CSMD1: variants seen among roughly 807,000 people sequenced by gnomAD.
The protein encoded by CSMD1 is CUB and sushi domain-containing protein 1.
CSMD1 carries 213 observed loss-of-function variants against 417.5 expected under a neutral mutation model. The ratio of observed to expected loss-of-function variants is 0.51; its 90% CI spans 0.46 to 0.57. The LOEUF is 0.57. CSMD1 is among the 20% of genes least tolerant of loss of function. The probability of loss-of-function intolerance (pLI) is 0.00; values close to 1 mark genes in which losing one functional copy is unlikely to be tolerated. For synonymous variants in CSMD1, 2,862 were observed against 1,736.8 expected, an observed-to-expected ratio of 1.65 and a Z score of -16.11; for missense variants, 6,923 against 4,529.7, an observed-to-expected ratio of 1.53 and a Z score of -15.17.
chr8:4,562,231 C>T (rs1798374880), intron 2 of CSMD1, among the ~76,000 whole-genome samples: 1 of 151,954 alleles, frequency 6.6e-6, no homozygotes, highest in Non-Finnish European at 1.5e-5. Context: ...AAACGACACA[C>T]CGGTGTTCCA....
chr8:3,909,901 G>C (rs1353950345), intron 5 of CSMD1, among the ~76,000 whole-genome samples: 1 of 152,114 alleles, frequency 6.6e-6, no homozygotes, highest in African/African-American at 2.4e-5. Context: ...ACTAAGCCCT[G>C]TATTAAAGCT....
At chr8:3,123,638 G>A (rs1019374308) in intron 41 of CSMD1, among the ~76,000 whole-genome samples, 5 of 152,098 alleles carry the variant, frequency 3.3e-5, no homozygotes, top group African/African-American at 1.2e-4. Flanking sequence ...CTGATTGCTG[G>A]TTTCTAGAGG....
rs137858283 is a variant in CSMD1 at position 3,710,313 on chromosome 8, G to A, written c.932-1822C>T. Among the ~76,000 whole-genome samples the A allele has an allele frequency of 6.8e-3, 1,034 of 152,146 alleles. 4 individuals carry two copies. The highest frequency in any genetic ancestry group is 0.011 in the Non-Finnish European group (777 of 68,000). ...AAATAAATCTATCTATACACACTCA[G>A]GCACACACACATACCCACGACCAAC... On this transcript the variant is annotated intron_variant, in intron 6 of 69. Transcript: ENST00000635120.
chr8:4,166,341 G>A (rs148867620), intron 3 of CSMD1, among the ~76,000 whole-genome samples: 9 of 152,090 alleles, frequency 5.9e-5, no homozygotes, highest in African/African-American at 1.4e-4. Context: ...AAGACCATAC[G>A]TATTATACAC....
intron 7 of CSMD1, among the ~76,000 whole-genome samples, chr8:3,647,574 T>C (rs908866787): frequency 6.6e-6 from 1 of 152,112 alleles, no homozygotes; most frequent in Non-Finnish European, 1.5e-5. Context: ...AAATACGGCA[T>C]AAAGAAAAAC....
chr8:4,309,694 T>C (rs560704810), intron 3 of CSMD1, among the ~76,000 whole-genome samples: 5 of 152,242 alleles, frequency 3.3e-5, no homozygotes, highest in African/African-American at 7.2e-5. Flanking sequence ...TTTTTAGATT[T>C]TACTCTAGGG....
chr8:4,614,440 C>A (rs1211772197), intron 2 of CSMD1, among the ~76,000 whole-genome samples: 6 of 152,146 alleles, frequency 3.9e-5, no homozygotes, highest in Admixed American at 2.6e-4. Context: ...AGCCTCTAAC[C>A]TTTGCTTTTT....
At chr8:4,490,334 C>T (rs938934368) in intron 2 of CSMD1, among the ~76,000 whole-genome samples, 28 of 152,152 alleles carry the variant, frequency 1.8e-4, no homozygotes, top group Non-Finnish European at 7.4e-5. Context: ...GCCACCATAT[C>T]CAGCCCAGAT....
Position 3,403,764 on chromosome 8 carries a change from T to G in CSMD1, c.2266+2263A>C, listed in dbSNP as rs190060961. Among the ~76,000 whole-genome samples the G allele has an allele frequency of 2.0e-5, 3 of 152,334 alleles. No homozygotes were observed. The East Asian group carries it at 5.8e-4, about 29-fold the overall frequency. On this transcript the variant is annotated intron_variant, in intron 15 of 69. Coordinates refer to ENST00000635120, the MANE Select transcript of CSMD1 (RefSeq NM_033225.6). The stretch of plus-strand genomic sequence containing the variant: ...CTAGAATACGATTTGCACCTGTGAC[T>G]AACTGTGCCCTATCATTAGTATCAT...
intron 2 of CSMD1, among the ~76,000 whole-genome samples, chr8:4,598,093 G>C (rs539666046): frequency 1.3e-5 from 2 of 152,094 alleles, no homozygotes; most frequent in South Asian, 2.1e-4. Context: ...TAAAAAGCTA[G>C]AATAAATGCT....
At chr8:3,884,886 A>G (rs1420594877) in intron 5 of CSMD1, among the ~76,000 whole-genome samples, 2 of 150,294 alleles carry the variant, frequency 1.3e-5, no homozygotes, top group African/African-American at 2.4e-5. Context: ...CATAAAAATT[A>G]TAACTTTTAT....
rs78529280 is a variant in CSMD1 at position 4,094,384 on chromosome 8, T to G, written c.416-62285A>C. ...TAACAGAGGAAAGAGTGGGTCATAT[T>G]TAGTTTTGAGAACTATGTTGGCAAG... On this transcript the variant is annotated intron_variant, in intron 3 of 69. Coordinates refer to ENST00000635120, the MANE Select transcript of CSMD1 (RefSeq NM_033225.6). Among the ~76,000 whole-genome samples, 823 of 152,116 alleles carry G rather than the reference T, an allele frequency of 5.4e-3. 6 individuals are homozygous for G. Among genetic ancestry groups the G allele is most frequent in the African/African-American group, 0.019 (784 of 41,498 alleles).
At chr8:3,820,072 G>A (rs17063168) in intron 5 of CSMD1, among the ~76,000 whole-genome samples, 27,029 of 152,016 alleles carry the variant, frequency 0.18, 2,961 homozygotes, top group African/African-American at 0.3. Flanking sequence ...CACTTAAGAC[G>A]CTCAGTGATT....
At chr8:3,215,636 C>T (rs1797840933) in intron 29 of CSMD1, among the ~76,000 whole-genome samples, 2 of 152,138 alleles carry the variant, frequency 1.3e-5, no homozygotes, top group South Asian at 4.1e-4. Flanking sequence ...CTTTTTTCTT[C>T]AGTCATGTTG....
chr8:3,649,067 GT>G (rs1797718314), intron 7 of CSMD1, among the ~76,000 whole-genome samples: 1 of 152,054 alleles, frequency 6.6e-6, no homozygotes, highest in Admixed American at 6.6e-5. Context: ...AAAGCCCAGG[GT>G]TTTTTCTGGT....
intron 1 of CSMD1, among the ~76,000 whole-genome samples, chr8:4,783,334 G>A (rs573744562): frequency 1.6e-4 from 24 of 152,222 alleles, no homozygotes; most frequent in Middle Eastern, 3.4e-3. Flanking sequence ...CCCAAGACCC[G>A]CAGCGCCACA....
chr8:3,256,623 A>T (rs1022839574), intron 26 of CSMD1, among the ~76,000 whole-genome samples: 1 of 152,212 alleles, frequency 6.6e-6, no homozygotes, highest in Admixed American at 6.5e-5. Context: ...TTTGACTCTG[A>T]ATCCCACTTC....
intron 1 of CSMD1, among the ~76,000 whole-genome samples, chr8:4,667,392 C>T (rs550645800): frequency 6.6e-6 from 1 of 151,810 alleles, no homozygotes; most frequent in South Asian, 2.1e-4. Context: ...CTTCAAAATG[C>T]CTGCTGATAT....
intron 4 of CSMD1, among the ~76,000 whole-genome samples, chr8:4,030,838 C>T (rs766911294): frequency 3.9e-5 from 6 of 152,178 alleles, no homozygotes; most frequent in Admixed American, 2.6e-4. Context: ...CTCTTGAATG[C>T]TTTGCTGCTT....
Sources: gnomAD v4.1 joint callset for allele counts (sites outside exome capture counted in the v4.1 genomes callset) on GRCh38, gnomAD v4.1.1 for gene constraint, MANE v1.5 for transcripts, NCBI Gene and HGNC (gene_info 2026-07-23, HGNC 2026-07-21) for gene names.